The following CHCHD4 variants were observed in gnomAD, a reference collection of about 807,000 sequenced individuals.
The protein encoded by CHCHD4 is coiled-coil-helix-coiled-coil-helix domain containing 4.
Under a neutral mutation model 12.4 loss-of-function variants are expected in CHCHD4, and 7 were observed. That is an observed-to-expected ratio of 0.57 (90% CI 0.32 to 1.06). CHCHD4 has a LOEUF of 1.06. Among genes scored for constraint, CHCHD4 ranks in the 50% least tolerant of loss-of-function variants. The pLI is 0.04. For missense variants in CHCHD4, 143 were observed against 175.1 expected (o/e 0.82, Z 1.03); for synonymous variants, 56 against 58.0 (o/e 0.97, Z 0.16).
Position 14,124,792 on chromosome 3 carries a change from G to C in CHCHD4, c.-116C>G. 1.6e-6 allele frequency: 2 copies of C among 1,240,508 alleles called. No homozygotes were observed. Among genetic ancestry groups the C allele is most frequent in the South Asian group, 3.1e-5 (2 of 65,184 alleles). The allele number at this position is 1,240,508 out of a possible 1,614,324, so 76.8% of individuals were successfully genotyped here. A position where few individuals can be genotyped will look rare whatever the true frequency, so the allele number is the denominator to read the frequency against. On this transcript the variant is annotated 5_prime_UTR_variant, in exon 1 of 3. Transcript: ENST00000396914. Reference sequence around the variant, plus strand: ...GCTCCTCCGAAGCCCGCGCGGACCCGCCCCCTCCCAGGCCTGCCCGCCGCG... The same window carrying C: ...GCTCCTCCGAAGCCCGCGCGGACCCCCCCCCTCCCAGGCCTGCCCGCCGCG...
chr3:14,123,321 G>T (rs1243997534), intron 1 of CHCHD4, among the ~76,000 whole-genome samples: 2 of 152,184 alleles, frequency 1.3e-5, no homozygotes, highest in Non-Finnish European at 2.9e-5. Flanking sequence ...TTTGCTAAAT[G>T]AAGTAAATTA....
Position 14,112,869 on chromosome 3 carries a change from A to G in CHCHD4, c.*18T>C. 1 of 1,595,860 alleles carries G rather than the reference A, an allele frequency of 6.3e-7. No homozygotes were observed. Among genetic ancestry groups the G allele is most frequent in the Non-Finnish European group, 8.5e-7 (1 of 1,170,156 alleles). ...GTCCACTCCAAAAGGACTGGTGCCC[A>G]GTGCCTTGTGGCCTTCATTAACTTG... On this transcript the variant is annotated 3_prime_UTR_variant, in exon 3 of 3. Coordinates refer to ENST00000396914, the MANE Select transcript of CHCHD4 (RefSeq NM_001098502.2).
intron 1 of CHCHD4, among the ~76,000 whole-genome samples, chr3:14,123,691 A>C (rs1440220355): frequency 1.3e-5 from 2 of 152,200 alleles, no homozygotes; most frequent in Non-Finnish European, 2.9e-5. Context: ...TCTGGCGCAG[A>C]GAAGGTGCTT....
chr3:14,116,696 T>A (rs1694879969), intron 1 of CHCHD4, among the ~76,000 whole-genome samples, 172 bp from the exon 2 acceptor site: 2 of 151,744 alleles, frequency 1.3e-5, no homozygotes, highest in Admixed American at 6.6e-5. Context: ...CAAAAGCGGA[T>A]GGATAAGGGG....
intron 1 of CHCHD4, among the ~76,000 whole-genome samples, chr3:14,118,730 C>CT (rs2124976931): frequency 6.6e-6 from 1 of 152,356 alleles, no homozygotes; most frequent in Admixed American, 6.5e-5. Context: ...GCAGCCAGGA[C>CT]TTGTTAAAGT....
intron 1 of CHCHD4, among the ~76,000 whole-genome samples, chr3:14,120,086 G>C (rs1200894798): frequency 6.6e-6 from 1 of 152,180 alleles, no homozygotes; most frequent in African/African-American, 2.4e-5. Context: ...AGGTCATCCA[G>C]AATCAACTCA....
intron 2 of CHCHD4, 51 bp from the exon 3 acceptor site, chr3:14,113,245 A>G: frequency 6.8e-7 from 1 of 1,460,162 alleles, no homozygotes. Context: ...AAAATACAAA[A>G]CTAGTCCAGT....
At chr3:14,121,519 G>T (rs1318997808) in intron 1 of CHCHD4, among the ~76,000 whole-genome samples, 4 of 152,200 alleles carry the variant, frequency 2.6e-5, no homozygotes. Context: ...ATGCCCCTGT[G>T]TCCTGCAGAG....
intron 2 of CHCHD4, among the ~76,000 whole-genome samples, chr3:14,114,086 A>G (rs1694850349): frequency 6.6e-6 from 1 of 152,186 alleles, no homozygotes; most frequent in Non-Finnish European, 1.5e-5. Context: ...AGGTCCTGTG[A>G]AATTACACAT....
chr3:14,118,161 T>C (rs898802799), intron 1 of CHCHD4, among the ~76,000 whole-genome samples: 1 of 152,080 alleles, frequency 6.6e-6, no homozygotes, highest in Non-Finnish European at 1.5e-5. Context: ...TGGAAGGGGA[T>C]AGGAGGTGCC....
chr3:14,123,263 G>A (rs1343182564), intron 1 of CHCHD4, among the ~76,000 whole-genome samples: 1 of 152,142 alleles, frequency 6.6e-6, no homozygotes, highest in African/African-American at 2.4e-5. Context: ...AAAGAGGAGG[G>A]TCTTGTTTAT....
In CHCHD4 at chr3:14,124,715, T is replaced by C. The variant is rs1277032853; in HGVS notation, c.-39A>G. ...CCCTGAGACCTTGCAGAAGCGGCGG[T>C]GGCGGCAGCTGCACCTTTACGCCGT... On this transcript the variant is annotated 5_prime_UTR_variant, in exon 1 of 3. Transcript: ENST00000396914. The C allele has an allele frequency of 6.6e-6, 10 of 1,513,724 alleles. No individual in the cohort carries two copies. Among genetic ancestry groups the C allele is most frequent in the Admixed American group, 4.4e-5 (2 of 45,330 alleles). The allele number at this position is 1,513,724 out of a possible 1,614,324, so 93.8% of individuals were successfully genotyped here. A position where few individuals can be genotyped will look rare whatever the true frequency, so the allele number is the denominator to read the frequency against.
Position 14,120,208 on chromosome 3 carries a change from C to T in CHCHD4, c.23-3684G>A, listed in dbSNP as rs1009209483. On this transcript the variant is annotated intron_variant, in intron 1 of 2. Transcript: ENST00000396914. Reference sequence around the variant, plus strand: ...ACAGAACTGAGTGAGCAGTCAGATACAAAGACACCTTCCACCCCCAGCTGT... The same window carrying T: ...ACAGAACTGAGTGAGCAGTCAGATATAAAGACACCTTCCACCCCCAGCTGT... Among the ~76,000 whole-genome samples, 6 of 151,952 alleles carry T rather than the reference C, an allele frequency of 3.9e-5. No individual in the cohort carries two copies. In the East Asian group the frequency reaches 9.7e-4, roughly 24 times the overall value.
At chr3:14,124,606 TCCCGCAGGCC>T in intron 1 of CHCHD4, 39 bp downstream of exon 1, 1 of 1,453,002 alleles carries the variant, frequency 6.9e-7, no homozygotes. Context: ...CCCGCGTGTC[TCCCGCAGGCC>T]CTCGTAGGCC....
At chr3:14,117,292 A>G (rs1694886079) in intron 1 of CHCHD4, among the ~76,000 whole-genome samples, 2 of 152,192 alleles carry the variant, frequency 1.3e-5, no homozygotes, top group South Asian at 2.1e-4. Context: ...AAAACAGACC[A>G]GTGAGAGTCA....
chr3:14,113,591 T>C (rs1189308906), intron 2 of CHCHD4, among the ~76,000 whole-genome samples: 1 of 152,064 alleles, frequency 6.6e-6, no homozygotes, highest in Non-Finnish European at 1.5e-5. Context: ...CCTCCCCATA[T>C]GGATGATCAG....
At position 14,124,863 on chromosome 3, in the gene CHCHD4, C is replaced by T. The variant is rs1425590296; in HGVS notation, c.-187G>A. The T allele has an allele frequency of 1.5e-6, 1 of 678,974 alleles. No individual in the cohort carries two copies. Among genetic ancestry groups the T allele is most frequent in the Non-Finnish European group, 2.5e-6 (1 of 401,034 alleles). 42.1% of individuals were successfully genotyped at this position (678,974 alleles called of 1,614,324 possible). ...CAACCGCGGCCAGGCCAACCTCAGC[C>T]GGAAACTACATTTCCCAGCAGGTCG... On this transcript the variant is annotated 5_prime_UTR_variant, in exon 1 of 3. Transcript: ENST00000396914.
Position 14,118,452 on chromosome 3 carries a change from A to C in CHCHD4, c.23-1928T>G, listed in dbSNP as rs145270511. 6.6e-5 allele frequency among the ~76,000 whole-genome samples: 10 copies of C among 152,372 alleles called. No individual in the cohort carries two copies. In the East Asian group the frequency reaches 1.9e-3, roughly 29 times the overall value. On this transcript the variant is annotated intron_variant, in intron 1 of 2. Coordinates refer to ENST00000396914, the MANE Select transcript of CHCHD4 (RefSeq NM_001098502.2). ...CTTCTGGAAGGAAGGGGGCAGTGAC[A>C]ACAAAAACCGAGCGACATCTCCAGT...
chr3:14,120,720 G>A (rs1289128378), intron 1 of CHCHD4, among the ~76,000 whole-genome samples: 1 of 152,124 alleles, frequency 6.6e-6, no homozygotes, highest in Non-Finnish European at 1.5e-5. Flanking sequence ...ATAGTACCAA[G>A]GACAAAGTGG....
Sources: gnomAD v4.1 joint callset for allele counts (sites outside exome capture counted in the v4.1 genomes callset) on GRCh38, gnomAD v4.1.1 for gene constraint, MANE v1.5 for transcripts, NCBI Gene and HGNC (gene_info 2026-07-23, HGNC 2026-07-21) for gene names.